Variants in DNAH8 observed in about 807,000 individuals in gnomAD.
DNAH8 encodes dynein axonemal heavy chain 8.
A neutral mutation model predicts 562.1 loss-of-function variants in DNAH8; 382 were observed. The observed-to-expected ratio is 0.68, with a 90% CI of 0.63 to 0.74. The LOEUF (loss-of-function observed/expected upper bound fraction) is 0.74, where lower values mean the gene tolerates loss of function less well. DNAH8 is among the 30% of genes least tolerant of loss of function. The pLI is 0.00. For synonymous variants in DNAH8, 1,881 were observed against 1,919.4 expected, an observed-to-expected ratio of 0.98 and a Z score of 0.52; for missense variants, 5,203 against 5,620.4, an observed-to-expected ratio of 0.93 and a Z score of 2.37.
At chr6:38,826,995 A>G (rs1485722225) in intron 29 of DNAH8, among the ~76,000 whole-genome samples, 1 of 152,206 alleles carries the variant, frequency 6.6e-6, no homozygotes, top group African/African-American at 2.4e-5. Flanking sequence ...AATGGGGCTA[A>G]CATCAAGATG....
intron 24 of DNAH8, among the ~76,000 whole-genome samples, chr6:38,811,942 C>G (rs538051834): frequency 2.2e-4 from 34 of 152,234 alleles, no homozygotes; most frequent in African/African-American, 8.2e-4. Flanking sequence ...AGGGAGCACA[C>G]GGGTAGCCTA....
intron 30 of DNAH8, among the ~76,000 whole-genome samples, chr6:38,828,904 C>G (rs967565715): frequency 2.0e-5 from 3 of 152,322 alleles, no homozygotes; most frequent in Admixed American, 2.0e-4. Flanking sequence ...TCTCTTGCCC[C>G]AGCCCTGGCA....
At chr6:39,022,850 G>T (rs144023253) in intron 91 of DNAH8, among the ~76,000 whole-genome samples, 1 of 152,142 alleles carries the variant, frequency 6.6e-6, no homozygotes, top group Non-Finnish European at 1.5e-5. Context: ...CTCCAGAATC[G>T]GCAGATTAAG....
intron 60 of DNAH8, 121 bp downstream of exon 60, chr6:38,896,346 G>A: frequency 1.3e-6 from 1 of 770,930 alleles, no homozygotes; most frequent in East Asian, 2.7e-5. Context: ...GGCTGAGGTG[G>A]GAGGATTGCT....
At position 38,781,298 on chromosome 6, in the gene DNAH8, G is replaced by A. The variant is rs144608736; in HGVS notation, c.2184G>A (p.Met728Ile). Residue 728 changes from methionine (M) to isoleucine (I), a missense_variant, in exon 16 of 93, where the codon ATG becomes ATA. By Grantham distance (10) the Met-to-Ile change is conservative. Around this residue, in one of 6 missense-constraint regions of DNAH8, gnomAD observed 2,176 missense variants for 2,365.1 expected, o/e 0.92. Transcript: ENST00000327475. The part of the protein sequence containing the change: ...QKDDPPLARN[M>I]PPIAGKILWV... ...ATGACCCCCCTCTTGCTCGCAACATGCCCCCTATAGCAGGAAAAATACTCT... is the reference window on the plus strand; with the variant it reads ...ATGACCCCCCTCTTGCTCGCAACATACCCCCTATAGCAGGAAAAATACTCT... 1 of 1,613,406 alleles carries A rather than the reference G, an allele frequency of 6.2e-7. No individual in the cohort carries two copies. Among genetic ancestry groups the A allele is most frequent in the Non-Finnish European group, 8.5e-7 (1 of 1,179,760 alleles).
intron 38 of DNAH8, 72 bp from the exon 39 acceptor site, chr6:38,851,500 G>A: frequency 3.5e-6 from 3 of 864,232 alleles, no homozygotes; most frequent in Non-Finnish European, 5.5e-6. Context: ...TAGTGATTAT[G>A]TCTTGACTAA....
At chr6:38,920,428 T>C (rs1781612918) in intron 70 of DNAH8, among the ~76,000 whole-genome samples, 1 of 152,202 alleles carries the variant, frequency 6.6e-6, no homozygotes, top group African/African-American at 2.4e-5. Context: ...GCTTTGGGCC[T>C]AGATTATTTT....
chr6:38,803,438 A>G (rs1583046794), intron 22 of DNAH8, 127 bp downstream of exon 22: 2 of 627,786 alleles, frequency 3.2e-6, no homozygotes, highest in Middle Eastern at 2.6e-4. Flanking sequence ...GGTGTTCAGC[A>G]TAAATCACAT....
chr6:38,724,879 G>A (rs1208688983), intron 3 of DNAH8, among the ~76,000 whole-genome samples: 1 of 152,072 alleles, frequency 6.6e-6, no homozygotes, highest in Non-Finnish European at 1.5e-5. Context: ...GAGAGAGTTG[G>A]GGTGAGGTGG....
In DNAH8 at chr6:38,813,488, T is replaced by C. The variant is rs1038925509; in HGVS notation, c.3258-566T>C. On this transcript the variant is annotated intron_variant, in intron 24 of 92. Transcript: ENST00000327475. ...CTTGCACTCCCAGAGAAAAAGAGAA[T>C]GGACAGTTTACATTTATTATAATTT... 3.3e-5 allele frequency among the ~76,000 whole-genome samples: 5 copies of C among 152,144 alleles called. No homozygotes were observed. The East Asian group carries it at 9.7e-4, about 29-fold the overall frequency.
At chr6:38,837,463 A>G (rs1216985554) in intron 32 of DNAH8, among the ~76,000 whole-genome samples, 3 of 152,222 alleles carry the variant, frequency 2.0e-5, no homozygotes, top group Non-Finnish European at 4.4e-5. Flanking sequence ...TGGTGATTTA[A>G]GTTGTTAGAA....
chr6:38,968,883 C>A (rs374629760), intron 82 of DNAH8, among the ~76,000 whole-genome samples: 1 of 152,044 alleles, frequency 6.6e-6, no homozygotes. Flanking sequence ...GAAAACAACC[C>A]AAATGTCTGG....
At chr6:38,918,190 T>A in intron 70 of DNAH8, 50 bp downstream of exon 70, 1 of 1,351,486 alleles carries the variant, frequency 7.4e-7, no homozygotes, top group South Asian at 1.3e-5. Flanking sequence ...ATAAAATCAG[T>A]CATCAGTATT....
rs116369561 is a variant in DNAH8, at chr6:38,835,811, A to C, written c.4365+1170A>C. Among the ~76,000 whole-genome samples, 189 of 152,262 alleles carry C rather than the reference A, an allele frequency of 1.2e-3. 1 individual carries two copies. Among genetic ancestry groups the C allele is most frequent in the African/African-American group, 4.1e-3 (172 of 41,562 alleles). On this transcript the variant is annotated intron_variant, in intron 32 of 92. Transcript: ENST00000327475. The stretch of plus-strand genomic sequence containing the variant: ...GGCAATAATAAGGAGTCTGAATTCT[A>C]TCTTGAGGGTTGGAGGGTTCTAAGC...
intron 73 of DNAH8, 123 bp downstream of exon 73, chr6:38,924,285 G>A: frequency 1.1e-6 from 1 of 888,354 alleles, no homozygotes. Context: ...GGCTGAGGAG[G>A]GCAGATCATG....
At chr6:38,834,689 A>C (rs1774133788) in intron 32 of DNAH8, 48 bp downstream of exon 32, 1 of 1,433,264 alleles carries the variant, frequency 7.0e-7, no homozygotes, top group East Asian at 2.3e-5. Flanking sequence ...AATTTAAAAA[A>C]TTATTTTGGG....
In DNAH8 at chr6:38,789,899, G is replaced by A. The variant is rs1423733183; in HGVS notation, c.2664+16G>A. On this transcript the variant is annotated intron_variant, in intron 19 of 92. Coordinates refer to ENST00000327475, the MANE Select transcript of DNAH8 (RefSeq NM_001206927.2). Reference sequence around the variant, plus strand: ...AATGAAAAAGGTTGGTATTGCTGAAGGTTTGTATTGATTTTCCTGTTATTT... The same window carrying A: ...AATGAAAAAGGTTGGTATTGCTGAAAGTTTGTATTGATTTTCCTGTTATTT... The A allele has an allele frequency of 1.9e-6, 3 of 1,571,836 alleles. No homozygotes were observed. Among genetic ancestry groups the A allele is most frequent in the Non-Finnish European group, 2.6e-6 (3 of 1,145,586 alleles).
intron 26 of DNAH8, among the ~76,000 whole-genome samples, chr6:38,817,202 G>A (rs1419372986): frequency 5.9e-5 from 9 of 152,168 alleles, no homozygotes; most frequent in East Asian, 3.9e-4. Context: ...AATATTAGCC[G>A]GGCATGGCGG....
Position 38,722,831 on chromosome 6 carries a change from G to A in DNAH8, c.22G>A (p.Gly8Ser). 1.3e-6 allele frequency: 2 copies of A among 1,596,554 alleles called. No individual in the cohort carries two copies. Among genetic ancestry groups the A allele is most frequent in the Non-Finnish European group, 1.7e-6 (2 of 1,172,158 alleles). Reference protein sequence around the residue: MEKDAEDGAPSEGAEAPP... With the variant: MEKDAEDSAPSEGAEAPP... ...GGGGATGGAGAAGGATGCTGAAGATGGCGCCCCTTCTGAGGGAGCAGAGGC... is the reference window on the plus strand; with the variant it reads ...GGGGATGGAGAAGGATGCTGAAGATAGCGCCCCTTCTGAGGGAGCAGAGGC... Residue 8 changes from glycine (G) to serine (S), a missense_variant, in exon 2 of 93, where the codon GGC becomes AGC. This residue lies in a region of DNAH8 where 556 missense variants were observed against 496.9 expected (regional missense o/e 1.12). Coordinates refer to ENST00000327475, the MANE Select transcript of DNAH8 (RefSeq NM_001206927.2).
Sources: gnomAD v4.1 joint callset for allele counts (sites outside exome capture counted in the v4.1 genomes callset) on GRCh38, gnomAD v4.1.1 for gene constraint, gnomAD v4.1.1 regional missense constraint, MANE v1.5 for transcripts, NCBI Gene and HGNC (gene_info 2026-07-23, HGNC 2026-07-21) for gene names.